The following REEP1 variants were observed in gnomAD, a reference collection of about 807,000 sequenced individuals.
The protein encoded by REEP1 is receptor accessory protein 1, also known as receptor expression-enhancing protein 1.
Under a neutral mutation model 40.3 loss-of-function variants are expected in REEP1, and 22 were observed. The observed-to-expected ratio is 0.55, with a 90% CI of 0.39 to 0.78. REEP1 has a LOEUF of 0.78. Ranked by LOEUF, REEP1 falls within the 30% of genes least tolerant of loss-of-function variation. The pLI is 0.00. For missense variants in REEP1, 280 were observed against 361.1 expected (o/e 0.78, Z 1.82); for synonymous variants, 116 against 139.2 (o/e 0.83, Z 1.17).
At chr2:86,217,574 C>T (rs1453744461) in intron 8 of REEP1, among the ~76,000 whole-genome samples, 1 of 151,898 alleles carries the variant, frequency 6.6e-6, no homozygotes, top group African/African-American at 2.4e-5. Context: ...ATGTACAGCA[C>T]ACCACACCAC....
intron 1 of REEP1, among the ~76,000 whole-genome samples, chr2:86,324,450 G>A (rs1680410623): frequency 6.6e-6 from 1 of 152,112 alleles, no homozygotes; most frequent in Admixed American, 6.5e-5. Flanking sequence ...GATTACACTT[G>A]GTACCCATCA....
rs11350708 is a variant in REEP1 at position 86,215,023 on chromosome 2, C to CTTTTTTTTTT, written c.*2006_*2015dup. 12 of 59,558 alleles carry CTTTTTTTTTT rather than the reference C, an allele frequency of 2.0e-4. No individual in the cohort carries two copies. The highest frequency in any genetic ancestry group is 2.6e-4 in the Non-Finnish European group (9 of 34,808). The allele number at this position is 59,558 out of a possible 1,614,324, so 3.7% of individuals were successfully genotyped here. A position where few individuals can be genotyped will look rare whatever the true frequency, so the allele number is the denominator to read the frequency against. ...AAAAATTGCTAAGAAGCTGTGTAAG[C>CTTTTTTTTTT]TTTTTTTTTTTTTTTTTTTTTTTGC... On this transcript the variant is annotated 3_prime_UTR_variant, in exon 9 of 9. Transcript: ENST00000538924.
chr2:86,326,376 TTC>T (rs1316686364), intron 1 of REEP1, among the ~76,000 whole-genome samples: 1 of 152,206 alleles, frequency 6.6e-6, no homozygotes, highest in Non-Finnish European at 1.5e-5. Flanking sequence ...TTAGTGGTTC[TTC>T]TCTCTCTCTT....
intron 7 of REEP1, among the ~76,000 whole-genome samples, chr2:86,226,468 CTTT>C (rs745419771): frequency 1.6e-4 from 4 of 24,840 alleles, no homozygotes; most frequent in Admixed American, 7.3e-4. Flanking sequence ...TTTTTCTTTT[CTTT>C]TTTTTTTTTT....
chr2:86,219,036 C>T (rs1674273505), intron 8 of REEP1, among the ~76,000 whole-genome samples: 4 of 152,198 alleles, frequency 2.6e-5, no homozygotes, highest in Non-Finnish European at 1.5e-5. Context: ...CACCTGTGCT[C>T]ATGACTGGTG....
chr2:86,261,428 A>AC (rs1195867557), intron 3 of REEP1, among the ~76,000 whole-genome samples: 1 of 152,074 alleles, frequency 6.6e-6, no homozygotes, highest in Admixed American at 6.5e-5. Context: ...CTATAACCTT[A>AC]CCCCCAACCC....
At chr2:86,268,223 G>T (rs539267103) in intron 2 of REEP1, among the ~76,000 whole-genome samples, 1 of 152,118 alleles carries the variant, frequency 6.6e-6, no homozygotes, top group African/African-American at 2.4e-5. Flanking sequence ...CATAGATGGT[G>T]TAACTGTCTA....
chr2:86,218,500 G>C (rs1674247396), intron 8 of REEP1, among the ~76,000 whole-genome samples: 1 of 152,194 alleles, frequency 6.6e-6, no homozygotes, highest in Non-Finnish European at 1.5e-5. Context: ...GCCACCTCTG[G>C]ACAGACACTG....
chr2:86,262,377 C>G (rs991333699), intron 3 of REEP1, among the ~76,000 whole-genome samples: 6 of 152,364 alleles, frequency 3.9e-5, no homozygotes, highest in Non-Finnish European at 7.3e-5. Flanking sequence ...TAAGGAGACT[C>G]AGCTTCATCC....
chr2:86,278,024 G>A (rs969742671), intron 2 of REEP1, among the ~76,000 whole-genome samples: 3 of 152,082 alleles, frequency 2.0e-5, no homozygotes, highest in African/African-American at 7.2e-5. Context: ...GCCTACATAT[G>A]TCTGTTATTT....
At position 86,293,908 on chromosome 2, in the gene REEP1, A is replaced by T. The variant is rs535628397; in HGVS notation, c.33-11666T>A. On this transcript the variant is annotated intron_variant, in intron 1 of 8. Transcript: ENST00000538924. ...AAAGATGGAAGCAATCCAAGTGACC[A>T]TCAACAGATGAATAAATAATGAATA... is the stretch of plus-strand genomic sequence containing the variant. Among the ~76,000 whole-genome samples, 8 of 152,392 alleles carry T rather than the reference A, an allele frequency of 5.2e-5. No individual in the cohort carries two copies. The South Asian group carries it at 1.7e-3, about 32-fold the overall frequency.
intron 3 of REEP1, among the ~76,000 whole-genome samples, chr2:86,260,430 C>A (rs567491367): frequency 6.6e-6 from 1 of 152,200 alleles, no homozygotes; most frequent in African/African-American, 2.4e-5. Context: ...TCCAAACACA[C>A]CAGGCATCAA....
chr2:86,271,040 T>C (rs1677415505), intron 2 of REEP1, among the ~76,000 whole-genome samples: 1 of 151,408 alleles, frequency 6.6e-6, no homozygotes, highest in Non-Finnish European at 1.5e-5. Context: ...AAAAATATAA[T>C]AATTAGCTGG....
chr2:86,256,739 G>A (rs771242238), intron 3 of REEP1, among the ~76,000 whole-genome samples: 11 of 152,108 alleles, frequency 7.2e-5, no homozygotes, highest in South Asian at 4.2e-4. Flanking sequence ...TTCTCCCTTC[G>A]TGACAATTAT....
chr2:86,244,573 T>A (rs1040337877), intron 5 of REEP1, among the ~76,000 whole-genome samples: 4 of 151,932 alleles, frequency 2.6e-5, no homozygotes, highest in Non-Finnish European at 5.9e-5. Context: ...GCCAGACCAG[T>A]AAAGAGGAAG....
chr2:86,272,134 A>G (rs1480354644), intron 2 of REEP1, among the ~76,000 whole-genome samples: 1 of 152,236 alleles, frequency 6.6e-6, no homozygotes, highest in Non-Finnish European at 1.5e-5. Context: ...AGGCAGGAGA[A>G]TTGCTTGAAT....
intron 1 of REEP1, among the ~76,000 whole-genome samples, chr2:86,314,841 C>T (rs1176760987): frequency 2.7e-5 from 4 of 150,752 alleles, no homozygotes; most frequent in African/African-American, 4.9e-5. Flanking sequence ...TACAGGCATG[C>T]GCCACCATAC....
At chr2:86,236,044 C>G (rs1675305140) in intron 5 of REEP1, among the ~76,000 whole-genome samples, 1 of 152,022 alleles carries the variant, frequency 6.6e-6, no homozygotes, top group Non-Finnish European at 1.5e-5. Context: ...TGGTGAAACC[C>G]CATCTCTACT....
chr2:86,314,201 G>A (rs909682934), intron 1 of REEP1, among the ~76,000 whole-genome samples: 12 of 152,180 alleles, frequency 7.9e-5, no homozygotes, highest in African/African-American at 2.9e-4. Context: ...CCTCCTGCCA[G>A]GAAGGCCACA....
Sources: gnomAD v4.1 joint callset for allele counts (sites outside exome capture counted in the v4.1 genomes callset) on GRCh38, gnomAD v4.1.1 for gene constraint, MANE v1.5 for transcripts, NCBI Gene and HGNC (gene_info 2026-07-23, HGNC 2026-07-21) for gene names.